The following FAM135B variants were observed in gnomAD, a reference collection of about 807,000 sequenced individuals.
FAM135B encodes the protein protein FAM135B.
FAM135B carries 43 observed loss-of-function variants against 127.7 expected under a neutral mutation model. That is an observed-to-expected ratio of 0.34 (90% CI 0.26 to 0.43). FAM135B has a LOEUF of 0.43. Among genes scored for constraint, FAM135B ranks in the 20% least tolerant of loss-of-function variants. The probability of loss-of-function intolerance (pLI) is 1.00; values close to 1 mark genes in which losing one functional copy is unlikely to be tolerated. For missense variants in FAM135B, 1,558 were observed against 1,725.6 expected, an observed-to-expected ratio of 0.90 and a Z score of 1.72; for synonymous variants, 670 against 665.1, an observed-to-expected ratio of 1.01 and a Z score of -0.11.
chr8:138,216,981 T>C (rs1818597001), intron 7 of FAM135B, among the ~76,000 whole-genome samples: 1 of 152,180 alleles, frequency 6.6e-6, no homozygotes, highest in African/African-American at 2.4e-5. Flanking sequence ...TTTGGTCAAA[T>C]AGAAACCCTT....
intron 7 of FAM135B, among the ~76,000 whole-genome samples, chr8:138,227,068 G>C (rs1380941089): frequency 6.6e-6 from 1 of 152,170 alleles, no homozygotes. Context: ...CCTGCCTTCA[G>C]CAGGAAAGAT....
At chr8:138,442,334 G>A (rs942792389) in intron 1 of FAM135B, among the ~76,000 whole-genome samples, 52 of 144,266 alleles carry the variant, frequency 3.6e-4, no homozygotes, top group African/African-American at 1.2e-3. Flanking sequence ...GTTTGGTTGT[G>A]TGTCTATATT....
chr8:138,280,031 T>C (rs752610651), intron 3 of FAM135B, among the ~76,000 whole-genome samples: 41 of 152,168 alleles, frequency 2.7e-4, no homozygotes, highest in Non-Finnish European at 1.2e-4. Context: ...TGTAGTTTTA[T>C]AAACGCATTT....
intron 9 of FAM135B, among the ~76,000 whole-genome samples, chr8:138,181,904 C>T (rs1815077020): frequency 6.6e-6 from 1 of 151,832 alleles, no homozygotes; most frequent in South Asian, 2.1e-4. Flanking sequence ...ACATCCCCTG[C>T]ATTTTGAGCT....
rs548883734 is a variant in FAM135B, at chr8:138,429,948, G to C, written c.-19-61946C>G. On this transcript the variant is annotated intron_variant, in intron 1 of 19. Transcript: ENST00000395297. ...CATACAGCAAGATAGGGTGAAAATG[G>C]GTTTTAGGCCCTATCTTTGTTGGTT... Among the ~76,000 whole-genome samples, 5 of 152,206 alleles carry C rather than the reference G, an allele frequency of 3.3e-5. No individual in the cohort carries two copies. The South Asian group carries it at 1.0e-3, about 32-fold the overall frequency.
At chr8:138,323,736 T>C (rs1478477455) in intron 2 of FAM135B, among the ~76,000 whole-genome samples, 1 of 152,206 alleles carries the variant, frequency 6.6e-6, no homozygotes, top group Non-Finnish European at 1.5e-5. Context: ...GGGCCATACT[T>C]TGTGTAGGTG....
intron 7 of FAM135B, among the ~76,000 whole-genome samples, chr8:138,235,990 A>G (rs1563802475): frequency 6.6e-6 from 1 of 152,078 alleles, no homozygotes; most frequent in Non-Finnish European, 1.5e-5. Flanking sequence ...GGCCAAACCT[A>G]TGATCTCCAC....
At chr8:138,263,105 G>A (rs553296392) in intron 4 of FAM135B, among the ~76,000 whole-genome samples, 144 of 152,052 alleles carry the variant, frequency 9.5e-4, no homozygotes, top group African/African-American at 3.4e-3. Flanking sequence ...GCTGGCAAAG[G>A]TTTAACAACT....
intron 6 of FAM135B, among the ~76,000 whole-genome samples, chr8:138,249,689 G>A (rs933306415): frequency 1.2e-4 from 19 of 152,076 alleles, no homozygotes; most frequent in African/African-American, 4.6e-4. Flanking sequence ...CAGAGAACAG[G>A]GGCTTCAGGA....
rs869311243 is a variant in FAM135B, at chr8:138,344,573, C to CT, written c.77+23333dup. ...AGGAGTCTCTTGCTACACTTTCTTT[C>CT]TTTCTTTTTTTTTTTTTTTTGTTAA... On this transcript the variant is annotated intron_variant, in intron 2 of 19. Transcript: ENST00000395297. 1.3e-3 allele frequency among the ~76,000 whole-genome samples: 143 copies of CT among 113,496 alleles called. 3 individuals carry two copies. In the East Asian group the frequency reaches 0.034, roughly 27 times the overall value. 74.5% of individuals were successfully genotyped at this position (113,496 alleles called of 152,430 possible).
chr8:138,228,398 G>A (rs1278050783), intron 7 of FAM135B, among the ~76,000 whole-genome samples: 1 of 152,164 alleles, frequency 6.6e-6, no homozygotes, highest in East Asian at 1.9e-4. Context: ...ACCCCCAGCT[G>A]CAGGAGCGGG....
At chr8:138,384,834 C>T (rs960876235) in intron 1 of FAM135B, among the ~76,000 whole-genome samples, 8 of 152,124 alleles carry the variant, frequency 5.3e-5, no homozygotes, top group African/African-American at 1.9e-4. Flanking sequence ...CCCCACACTG[C>T]ATCTCTGCTA....
At chr8:138,416,827 G>A (rs139843322) in intron 1 of FAM135B, among the ~76,000 whole-genome samples, 4 of 152,054 alleles carry the variant, frequency 2.6e-5, no homozygotes, top group African/African-American at 9.7e-5. Context: ...CAGATGCAAG[G>A]CTAAAAGGGG....
intron 1 of FAM135B, among the ~76,000 whole-genome samples, chr8:138,466,033 C>A (rs982065864): frequency 5.3e-5 from 8 of 152,192 alleles, no homozygotes; most frequent in African/African-American, 1.9e-4. Context: ...GCCTCGGCCT[C>A]CCAACGTGCT....
intron 17 of FAM135B, among the ~76,000 whole-genome samples, chr8:138,139,628 T>C (rs1816952069): frequency 6.6e-6 from 1 of 152,150 alleles, no homozygotes; most frequent in African/African-American, 2.4e-5. Flanking sequence ...TAGCCAGGCA[T>C]GGTGGCAGGC....
At chr8:138,364,351 T>C (rs1362450562) in intron 2 of FAM135B, among the ~76,000 whole-genome samples, 1 of 152,104 alleles carries the variant, frequency 6.6e-6, no homozygotes, top group African/African-American at 2.4e-5. Context: ...GGTTAACAAG[T>C]GCAAGGTTTT....
intron 1 of FAM135B, among the ~76,000 whole-genome samples, chr8:138,416,331 A>G (rs71532167): frequency 0.087 from 13,274 of 152,226 alleles, 993 homozygotes; most frequent in East Asian, 0.26. Context: ...GCAAAATGAG[A>G]TATTAATGTT....
At chr8:138,323,973 T>G (rs1407931467) in intron 2 of FAM135B, among the ~76,000 whole-genome samples, 1 of 152,216 alleles carries the variant, frequency 6.6e-6, no homozygotes, top group African/African-American at 2.4e-5. Flanking sequence ...CTTGGTATTC[T>G]CCAACAGGGC....
rs779340657 is a variant in FAM135B at position 138,153,066 on chromosome 8, A to G, written c.1409T>C (p.Met470Thr). The change falls in exon 13 of 20, where the codon ATG becomes ACG. Residue 470 changes from methionine (M) to threonine (T), a missense_variant. By Grantham distance (81) the Met-to-Thr change is moderately conservative. Around this residue, in one of 5 missense-constraint regions of FAM135B, gnomAD observed 923 missense variants for 865.3 expected, o/e 1.07. Transcript: ENST00000395297. ...CCTTATAACTTCTTCATCAGAATCCATTTGGGATGGTTTTATGGTAGACAA... is the reference window on the plus strand; with the variant it reads ...CCTTATAACTTCTTCATCAGAATCCGTTTGGGATGGTTTTATGGTAGACAA... Reference protein sequence around the residue: ...LVLSTIKPSQMDSDEEVIRCP... With the variant: ...LVLSTIKPSQTDSDEEVIRCP... 10 of 1,614,192 alleles carry G rather than the reference A, an allele frequency of 6.2e-6. No individual in the cohort carries two copies. Among genetic ancestry groups the G allele is most frequent in the Non-Finnish European group, 8.5e-6 (10 of 1,180,034 alleles).
Sources: gnomAD v4.1 joint callset for allele counts (sites outside exome capture counted in the v4.1 genomes callset) on GRCh38, gnomAD v4.1.1 for gene constraint, gnomAD v4.1.1 regional missense constraint, MANE v1.5 for transcripts, NCBI Gene and HGNC (gene_info 2026-07-23, HGNC 2026-07-21) for gene names.